Variants in CAMKMT observed in about 807,000 individuals in gnomAD.
CAMKMT encodes CaM KMT.
CAMKMT carries 53 observed loss-of-function variants against 48.0 expected under a neutral mutation model. The observed-to-expected ratio is 1.10, with a 90% confidence interval of 0.89 to 1.39. CAMKMT has a LOEUF of 1.39. Among genes scored for constraint, CAMKMT ranks in the 40% most tolerant of loss-of-function variants. CAMKMT has a pLI of 0.00. For synonymous variants in CAMKMT, 165 were observed against 152.3 expected (o/e 1.08, Z -0.61); for missense variants, 428 against 402.7 (o/e 1.06, Z -0.54).
chr2:44,596,818 C>G (rs1670697942), intron 3 of CAMKMT, among the ~76,000 whole-genome samples: 1 of 152,096 alleles, frequency 6.6e-6, no homozygotes. Context: ...TATAAAAATT[C>G]TAAGGTTTAC....
chr2:44,473,953 C>T (rs953938153), intron 3 of CAMKMT, among the ~76,000 whole-genome samples: 3 of 152,124 alleles, frequency 2.0e-5, no homozygotes, highest in African/African-American at 7.2e-5. Flanking sequence ...GAGGCACCAT[C>T]CAAATTGAAT....
chr2:44,619,966 T>C (rs1410456957), intron 3 of CAMKMT, among the ~76,000 whole-genome samples: 1 of 152,198 alleles, frequency 6.6e-6, no homozygotes, highest in Non-Finnish European at 1.5e-5. Flanking sequence ...TGACAACCCA[T>C]GCCCAGTCTT....
chr2:44,533,175 G>T (rs1159218844), intron 3 of CAMKMT, among the ~76,000 whole-genome samples: 1 of 151,970 alleles, frequency 6.6e-6, no homozygotes, highest in Non-Finnish European at 1.5e-5. Flanking sequence ...CTTTAAGATG[G>T]CAGATAACTG....
chr2:44,380,846 T>C (rs1680167506), intron 2 of CAMKMT, among the ~76,000 whole-genome samples: 1 of 152,148 alleles, frequency 6.6e-6, no homozygotes, highest in South Asian at 2.1e-4. Flanking sequence ...GGTCATATGG[T>C]AAGCATTCTG....
intron 3 of CAMKMT, among the ~76,000 whole-genome samples, chr2:44,502,311 G>A (rs1442131146): frequency 6.6e-6 from 1 of 151,810 alleles, no homozygotes; most frequent in Non-Finnish European, 1.5e-5. Context: ...CCTAAACCCT[G>A]CCCTGTGCTC....
chr2:44,486,301 A>G (rs559874351), intron 3 of CAMKMT, among the ~76,000 whole-genome samples: 1 of 152,332 alleles, frequency 6.6e-6, no homozygotes, highest in Admixed American at 6.5e-5. Flanking sequence ...TCTTTCAGCC[A>G]TGATCTTATT....
chr2:44,365,459 T>G (rs759087975), intron 1 of CAMKMT, among the ~76,000 whole-genome samples: 1 of 152,188 alleles, frequency 6.6e-6, no homozygotes, highest in African/African-American at 2.4e-5. Flanking sequence ...TCAATATCAG[T>G]AGAGGTTATG....
chr2:44,398,907 G>T (rs988143567), intron 3 of CAMKMT, among the ~76,000 whole-genome samples: 5 of 152,056 alleles, frequency 3.3e-5, no homozygotes, highest in Non-Finnish European at 7.4e-5. Flanking sequence ...TATACTCCAT[G>T]TTAAAAAAAA....
chr2:44,378,074 G>A (rs903036492), intron 2 of CAMKMT, among the ~76,000 whole-genome samples: 1 of 152,158 alleles, frequency 6.6e-6, no homozygotes, highest in African/African-American at 2.4e-5. Context: ...TAGTTTTATT[G>A]TTAGTAGTGA....
chr2:44,602,486 A>G (rs1161580768), intron 3 of CAMKMT, among the ~76,000 whole-genome samples: 1 of 152,082 alleles, frequency 6.6e-6, no homozygotes, highest in Non-Finnish European at 1.5e-5. Context: ...TTTTACAACT[A>G]ACATCTTATT....
chr2:44,390,877 A>G (rs1572728684), intron 3 of CAMKMT, among the ~76,000 whole-genome samples: 2 of 152,316 alleles, frequency 1.3e-5, no homozygotes, highest in African/African-American at 4.8e-5. Flanking sequence ...TGAGAAAATC[A>G]CTTAAATATT....
intron 3 of CAMKMT, among the ~76,000 whole-genome samples, chr2:44,430,499 C>T (rs1217840259): frequency 6.6e-6 from 1 of 151,168 alleles, no homozygotes; most frequent in Non-Finnish European, 1.5e-5. Flanking sequence ...ATTGGACTTG[C>T]ATACTAGACC....
At chr2:44,585,135 A>T (rs1398086609) in intron 3 of CAMKMT, among the ~76,000 whole-genome samples, 2 of 152,190 alleles carry the variant, frequency 1.3e-5, no homozygotes, top group Non-Finnish European at 2.9e-5. Context: ...GGAGTAAATT[A>T]TACCTCCTAT....
At chr2:44,610,706 G>A (rs1671548553) in intron 3 of CAMKMT, among the ~76,000 whole-genome samples, 1 of 152,110 alleles carries the variant, frequency 6.6e-6, no homozygotes, top group African/African-American at 2.4e-5. Flanking sequence ...ATATATAAGA[G>A]TTCTTAAACT....
At chr2:44,768,359 A>ATT (rs202087319) in intron 10 of CAMKMT, among the ~76,000 whole-genome samples, 3,198 of 101,358 alleles carry the variant, frequency 0.032, 41 homozygotes, top group South Asian at 0.055. Flanking sequence ...ATATATATAT[A>ATT]TATTTTTTTT....
chr2:44,477,220 T>G (rs935836268), intron 3 of CAMKMT, among the ~76,000 whole-genome samples: 1 of 152,200 alleles, frequency 6.6e-6, no homozygotes, highest in Non-Finnish European at 1.5e-5. Context: ...CTTGGAGATT[T>G]GATCTAATAA....
Position 44,766,549 on chromosome 2 carries a change from C to G in CAMKMT, c.882C>G (p.Asn294Lys). 1 of 1,613,982 alleles carries G rather than the reference C, an allele frequency of 6.2e-7. No homozygotes were observed. The highest frequency in any genetic ancestry group is 8.5e-7 in the Non-Finnish European group (1 of 1,179,996). The change falls in exon 10 of 11, where the codon AAC becomes AAG. Residue 294 changes from asparagine to lysine, a missense_variant. Transcript: ENST00000378494. ...AAAATTATGATGAACACATTTCAAA[C>G]TTCCACTCCAAGGTTAGTTTTCTGC... ...RHENYDEHISNFHSKLKKENP... is the reference protein window; with the variant it reads ...RHENYDEHISKFHSKLKKENP...
intron 3 of CAMKMT, among the ~76,000 whole-genome samples, chr2:44,691,421 T>C (rs1191967128): frequency 6.6e-6 from 1 of 152,218 alleles, no homozygotes; most frequent in African/African-American, 2.4e-5. Context: ...CATCTTTTCT[T>C]TACCTCCTAA....
At chr2:44,763,260 T>C (rs1202589609) in intron 9 of CAMKMT, among the ~76,000 whole-genome samples, 4 of 152,226 alleles carry the variant, frequency 2.6e-5, no homozygotes, top group Admixed American at 2.0e-4. Context: ...TTAAAACTAC[T>C]GCCCAGTCTT....
Sources: gnomAD v4.1 joint callset for allele counts (sites outside exome capture counted in the v4.1 genomes callset) on GRCh38, gnomAD v4.1.1 for gene constraint, MANE v1.5 for transcripts, NCBI Gene and HGNC (gene_info 2026-07-23, HGNC 2026-07-21) for gene names.